TRAK1: variants seen among roughly 807,000 people sequenced by gnomAD.
TRAK1 encodes the protein trafficking kinesin-binding protein 1.
TRAK1 carries 33 observed loss-of-function variants against 92.1 expected under a neutral mutation model. The observed-to-expected ratio is 0.36, with a 90% CI of 0.27 to 0.48. The LOEUF (loss-of-function observed/expected upper bound fraction) is 0.48. Ranked by LOEUF, TRAK1 falls within the 20% of genes least tolerant of loss-of-function variation. The pLI is 0.99. For synonymous variants in TRAK1, 521 were observed against 517.3 expected, an observed-to-expected ratio of 1.01 and a Z score of -0.10; for missense variants, 1,123 against 1,257.9, an observed-to-expected ratio of 0.89 and a Z score of 1.62.
chr3:42,213,869 G>T (rs773665069), intron 14 of TRAK1, among the ~76,000 whole-genome samples: 2 of 152,132 alleles, frequency 1.3e-5, no homozygotes, highest in Non-Finnish European at 2.9e-5. Flanking sequence ...CTGGTTTTAT[G>T]GCAGTTATGA....
chr3:42,038,956 T>G (rs1194711412), intron 1 of TRAK1, among the ~76,000 whole-genome samples: 1 of 151,900 alleles, frequency 6.6e-6, no homozygotes, highest in Admixed American at 6.6e-5. Context: ...TCATATACCT[T>G]ACAGTTCATC....
intron 2 of TRAK1, among the ~76,000 whole-genome samples, chr3:42,146,828 G>T (rs1699383921): frequency 6.6e-6 from 1 of 152,184 alleles, no homozygotes; most frequent in Admixed American, 6.5e-5. Context: ...AGTGGTAGAA[G>T]TACAGGCATG....
intron 14 of TRAK1, chr3:42,218,501 G>T: frequency 1.0e-6 from 1 of 984,872 alleles, no homozygotes; most frequent in Non-Finnish European, 1.2e-6. Context: ...TGCTATTTCG[G>T]GCAGCATCTT....
intron 2 of TRAK1, among the ~76,000 whole-genome samples, chr3:42,159,648 AT>A: frequency 1.3e-5 from 2 of 152,248 alleles, no homozygotes; most frequent in Non-Finnish European, 2.9e-5. Flanking sequence ...ATGTAGATTG[AT>A]AAAGAGAAAA....
intron 1 of TRAK1, among the ~76,000 whole-genome samples, chr3:42,026,833 A>G (rs1187869945): frequency 6.6e-6 from 1 of 151,980 alleles, no homozygotes; most frequent in East Asian, 1.9e-4. Context: ...CCAGTGATCA[A>G]CTTTTGTCAG....
Position 42,125,433 on chromosome 3 carries a change from C to G in TRAK1, c.105C>G (p.Ser35Arg). The change falls in exon 2 of 16, where the codon AGC (serine) becomes AGG (arginine). Residue 35 changes from serine to arginine, a missense_variant. Ser to Arg is a moderately radical substitution (Grantham distance 110). Transcript: ENST00000327628. ...IRTNACDVCN[S>R]TDLPEVEIIS... ...TCTTGTCTTTAGATGTGTGCAACAG[C>G]ACCGATCTTCCGGAAGTCGAGATCA... The G allele has an allele frequency of 6.2e-7, 1 of 1,614,084 alleles. No individual in the cohort carries two copies. The highest frequency in any genetic ancestry group is 8.5e-7 in the Non-Finnish European group (1 of 1,179,982).
intron 1 of TRAK1, among the ~76,000 whole-genome samples, chr3:42,122,405 G>A (rs1195511490): frequency 6.6e-6 from 1 of 151,366 alleles, no homozygotes; most frequent in Non-Finnish European, 1.5e-5. Context: ...GACACCAGAT[G>A]ATTCCAGCCT....
intron 2 of TRAK1, among the ~76,000 whole-genome samples, chr3:42,138,288 A>G (rs1212007559): frequency 1.3e-5 from 2 of 152,220 alleles, no homozygotes; most frequent in African/African-American, 4.8e-5. Flanking sequence ...TAGATTACAA[A>G]TCGTCGAAAA....
rs534841849 is a variant in TRAK1, at chr3:42,021,275, G to A, written c.-519+7158G>A. Among the ~76,000 whole-genome samples, 30 of 152,258 alleles carry A rather than the reference G, an allele frequency of 2.0e-4. 1 individual carries two copies. The highest frequency in any genetic ancestry group is 1.5e-3 in the Admixed American group (23 of 15,288). On this transcript the variant is annotated intron_variant, in intron 1 of 16. Coordinates refer to the TRAK1 transcript ENST00000487159. ...AATAAAAGAGTGTCACCTAGACAGTGAGCATTTCATTTCAACCTTTGCATC... is the reference window on the plus strand; with the variant it reads ...AATAAAAGAGTGTCACCTAGACAGTAAGCATTTCATTTCAACCTTTGCATC...
chr3:42,188,237 G>A (rs1705183447), intron 5 of TRAK1, 92 bp downstream of exon 5: 3 of 1,193,098 alleles, frequency 2.5e-6, no homozygotes, highest in Admixed American at 3.4e-5. Flanking sequence ...GTCACCTTCA[G>A]CAGCAATGGA....
At chr3:42,170,762 C>A (rs1409577404) in intron 2 of TRAK1, among the ~76,000 whole-genome samples, 1 of 151,696 alleles carries the variant, frequency 6.6e-6, no homozygotes, top group Non-Finnish European at 1.5e-5. Flanking sequence ...AAAGAAATGA[C>A]CTATATGTAA....
chr3:42,029,841 G>A (rs1039855396), intron 1 of TRAK1, among the ~76,000 whole-genome samples: 12 of 152,148 alleles, frequency 7.9e-5, no homozygotes, highest in African/African-American at 1.7e-4. Flanking sequence ...ACGCCACTGC[G>A]ACTGGCCCTG....
In TRAK1 at chr3:42,184,667, C is replaced by G. The variant is rs1315551432; in HGVS notation, c.364-18C>G. ...CACAGGTCTTTTGAATCTCTGTTCT[C>G]CCTCTTTCCTTTTGTAGAAAGAGCG... On this transcript the variant is annotated intron_variant, in intron 3 of 15. Coordinates refer to ENST00000327628, the MANE Select transcript of TRAK1 (RefSeq NM_001042646.3). 4 of 1,612,446 alleles carry G rather than the reference C, an allele frequency of 2.5e-6. No individual in the cohort carries two copies. The South Asian group carries it at 4.4e-5, about 18-fold the overall frequency.
intron 2 of TRAK1, among the ~76,000 whole-genome samples, chr3:42,125,987 G>C (rs1388726708): frequency 6.6e-6 from 1 of 151,814 alleles, no homozygotes; most frequent in Non-Finnish European, 1.5e-5. Flanking sequence ...AGTAGCTGGG[G>C]CTACAGGCGC....
chr3:42,163,914 T>G (rs1399913467), intron 2 of TRAK1, among the ~76,000 whole-genome samples: 3 of 152,176 alleles, frequency 2.0e-5, no homozygotes, highest in African/African-American at 7.2e-5. Context: ...GACAGTAACC[T>G]CGAAAGAAAA....
intron 1 of TRAK1, among the ~76,000 whole-genome samples, chr3:42,072,569 T>TCTC (rs1703982446): frequency 1.4e-5 from 2 of 146,784 alleles, no homozygotes; most frequent in Non-Finnish European, 3.0e-5. Context: ...TTTTTTTCTT[T>TCTC]CTCTTTTTCT....
At chr3:42,173,447 G>T (rs896378737) in intron 2 of TRAK1, among the ~76,000 whole-genome samples, 2 of 152,054 alleles carry the variant, frequency 1.3e-5, no homozygotes, top group Non-Finnish European at 2.9e-5. Context: ...TTATTTCTTG[G>T]AACAGGAAAT....
In TRAK1 at chr3:42,184,821, G is replaced by A. The variant is rs763812003; in HGVS notation, c.480+20G>A. ...GAGGAGGTAAGACATTGGAGGCCGAGGCTTCCAGAGGGGCCCGCCACAGGC... is the reference window on the plus strand; with the variant it reads ...GAGGAGGTAAGACATTGGAGGCCGAAGCTTCCAGAGGGGCCCGCCACAGGC... On this transcript the variant is annotated intron_variant, in intron 4 of 15. Transcript: ENST00000327628. 6.2e-7 allele frequency: 1 copy of A among 1,605,982 alleles called. No individual in the cohort carries two copies. Among genetic ancestry groups the A allele is most frequent in the Non-Finnish European group, 8.5e-7 (1 of 1,174,720 alleles).
At chr3:42,190,644 C>T (rs1030015747) in intron 6 of TRAK1, among the ~76,000 whole-genome samples, 22 of 152,314 alleles carry the variant, frequency 1.4e-4, no homozygotes, top group African/African-American at 5.3e-4. Context: ...CAGATTCCTG[C>T]TACCCCACAT....
Sources: allele counts gnomAD v4.1 joint callset (sites outside exome capture counted in the v4.1 genomes callset), GRCh38; gene constraint gnomAD v4.1.1; transcripts MANE v1.5; gene names NCBI Gene and HGNC (gene_info 2026-07-23, HGNC 2026-07-21).